Variants in KCNIP4 observed in about 807,000 individuals in gnomAD.
The protein encoded by KCNIP4 is Kv channel-interacting protein 4.
In KCNIP4, 12 loss-of-function variants were observed where a neutral mutation model predicts 34.0. The ratio of observed to expected loss-of-function variants is 0.35; its 90% CI spans 0.23 to 0.57. The LOEUF is 0.57. Ranked by LOEUF, KCNIP4 falls within the 20% of genes least tolerant of loss-of-function variation. KCNIP4 has a pLI of 0.83. For synonymous variants in KCNIP4, 124 were observed against 102.2 expected (o/e 1.21, Z -1.29); for missense variants, 238 against 311.7 (o/e 0.76, Z 1.78).
rs568463285 is a variant in KCNIP4, at chr4:21,658,378, A to AACATC, written c.61+290188_61+290192dup. Among the ~76,000 whole-genome samples the AACATC allele has an allele frequency of 1.4e-3, 210 of 152,196 alleles. No homozygotes were observed. The South Asian group carries it at 0.018, about 13-fold the overall frequency. On this transcript the variant is annotated intron_variant, in intron 1 of 8. Transcript: ENST00000382152. ...TAATAAAGTTCCAGCCTGTGAAGAG[A>AACATC]ACATCACATCACATCACATCACATC...
Position 21,734,712 on chromosome 4 carries a change from T to C in KCNIP4, c.61+213859A>G, listed in dbSNP as rs999179327. 2.6e-5 allele frequency among the ~76,000 whole-genome samples: 4 copies of C among 152,156 alleles called. No individual in the cohort carries two copies. In the East Asian group the frequency reaches 5.8e-4, roughly 22 times the overall value. ...TAAATAGATTATTTACATAAGGAAA[T>C]GTATGATAAAATTTCAAAAATACAA... On this transcript the variant is annotated intron_variant, in intron 1 of 8. Transcript: ENST00000382152.
intron 1 of KCNIP4, among the ~76,000 whole-genome samples, chr4:21,182,918 T>C (rs1456789380): frequency 6.6e-6 from 1 of 152,124 alleles, no homozygotes; most frequent in African/African-American, 2.4e-5. Context: ...AATATGTTAT[T>C]AACTGTAGTC....
In KCNIP4 at chr4:20,748,219, C is replaced by T. The variant is rs187650327; in HGVS notation, c.429+1443G>A. ...GGCCTCTATCTCCTTCCCCAACCTT[C>T]GCTCTTGGCTCTCCAATTGTGTATT... On this transcript the variant is annotated intron_variant, in intron 5 of 8. Transcript: ENST00000382152. Among the ~76,000 whole-genome samples, 391 of 152,238 alleles carry T rather than the reference C, an allele frequency of 2.6e-3. 8 individuals carry two copies. In the South Asian group the frequency reaches 0.047, roughly 18 times the overall value.
chr4:21,332,929 A>G (rs56654170), intron 1 of KCNIP4, among the ~76,000 whole-genome samples: 38,761 of 151,894 alleles, frequency 0.26, 5,075 homozygotes, highest in Middle Eastern at 0.33. Flanking sequence ...TGTTCTTACA[A>G]TGTTTCAGCT....
At chr4:21,553,753 ATTG>A (rs1417577183) in intron 1 of KCNIP4, among the ~76,000 whole-genome samples, 1 of 152,034 alleles carries the variant, frequency 6.6e-6, no homozygotes, top group Non-Finnish European at 1.5e-5. Context: ...AATATTAGCT[ATTG>A]TTATTATTAC....
At chr4:21,354,866 C>T (rs1391515273) in intron 1 of KCNIP4, among the ~76,000 whole-genome samples, 2 of 152,228 alleles carry the variant, frequency 1.3e-5, no homozygotes, top group Non-Finnish European at 2.9e-5. Context: ...CACCACATCA[C>T]ACTTATTCCA....
At chr4:20,986,629 G>T (rs886381568) in intron 1 of KCNIP4, among the ~76,000 whole-genome samples, 1 of 152,210 alleles carries the variant, frequency 6.6e-6, no homozygotes, top group Non-Finnish European at 1.5e-5. Flanking sequence ...TTCAATCATT[G>T]CTTTGTCTGG....
intron 1 of KCNIP4, chr4:21,847,897 T>C (rs1724128451): frequency 6.6e-6 from 1 of 152,114 alleles, no homozygotes; most frequent in Admixed American, 6.6e-5. Context: ...TTGGTCATTA[T>C]CCCTTCACTA....
chr4:21,648,057 T>G (rs1028175233), intron 1 of KCNIP4, among the ~76,000 whole-genome samples: 5 of 151,568 alleles, frequency 3.3e-5, no homozygotes, highest in African/African-American at 1.2e-4. Flanking sequence ...GTATTTTTAG[T>G]GGAGATGGGG....
At chr4:21,607,742 T>G (rs944561989) in intron 1 of KCNIP4, among the ~76,000 whole-genome samples, 3 of 152,094 alleles carry the variant, frequency 2.0e-5, no homozygotes, top group African/African-American at 7.2e-5. Flanking sequence ...TGCAAGCCAC[T>G]GTCCATGATA....
At chr4:21,279,367 G>A (rs1240644588) in intron 1 of KCNIP4, among the ~76,000 whole-genome samples, 1 of 151,990 alleles carries the variant, frequency 6.6e-6, no homozygotes, top group African/African-American at 2.4e-5. Flanking sequence ...TTTTTTAAAA[G>A]TTCATGTAGT....
At chr4:21,400,488 C>CTCTCCTCTCCTCTCCTCTCCTCTCT (rs945392438) in intron 1 of KCNIP4, among the ~76,000 whole-genome samples, 1,416 of 119,822 alleles carry the variant, frequency 0.012, 199 homozygotes, top group African/African-American at 0.06. Flanking sequence ...CTCTCCTCTC[C>CTCTCCTCTCCTCTCCTCTCCTCTCT]TCTCCCCTCC....
At chr4:21,773,956 A>G (rs1719003310) in intron 1 of KCNIP4, among the ~76,000 whole-genome samples, 1 of 151,944 alleles carries the variant, frequency 6.6e-6, no homozygotes, top group African/African-American at 2.4e-5. Flanking sequence ...TAATATTGTT[A>G]TGTGTGAATT....
At chr4:20,839,578 G>A (rs1719484105) in intron 3 of KCNIP4, among the ~76,000 whole-genome samples, 1 of 150,394 alleles carries the variant, frequency 6.6e-6, no homozygotes, top group African/African-American at 2.4e-5. Flanking sequence ...AGTTTGAGAG[G>A]GGGAAAAAGA....
intron 1 of KCNIP4, among the ~76,000 whole-genome samples, chr4:21,558,743 G>C (rs1042441190): frequency 3.3e-5 from 5 of 152,094 alleles, no homozygotes; most frequent in Non-Finnish European, 7.4e-5. Context: ...CCTGTTTAAA[G>C]CCATGCCATT....
At chr4:21,417,543 A>G (rs1725065952) in intron 1 of KCNIP4, among the ~76,000 whole-genome samples, 2 of 152,036 alleles carry the variant, frequency 1.3e-5, no homozygotes, top group African/African-American at 4.8e-5. Context: ...CCTCTGTTCT[A>G]TTTTCAGAAA....
intron 8 of KCNIP4, 43 bp from the exon 9 acceptor site, chr4:20,730,172 CA>C: frequency 1.3e-6 from 2 of 1,577,554 alleles, no homozygotes; most frequent in Non-Finnish European, 8.6e-7. Flanking sequence ...AGCATATCTG[CA>C]AGGAAAAGTA....
At chr4:21,329,650 T>A (rs1320830811) in intron 1 of KCNIP4, among the ~76,000 whole-genome samples, 1 of 152,034 alleles carries the variant, frequency 6.6e-6, no homozygotes, top group Non-Finnish European at 1.5e-5. Context: ...GGTCTGAAGG[T>A]TTATCAAGGA....
intron 1 of KCNIP4, among the ~76,000 whole-genome samples, chr4:21,027,816 A>G (rs1740682341): frequency 6.6e-6 from 1 of 152,002 alleles, no homozygotes; most frequent in African/African-American, 2.4e-5. Flanking sequence ...ATTTATGTAT[A>G]TTCACTCTTC....
Sources: allele counts gnomAD v4.1 joint callset (sites outside exome capture counted in the v4.1 genomes callset), GRCh38; gene constraint gnomAD v4.1.1; transcripts MANE v1.5; gene names NCBI Gene and HGNC (gene_info 2026-07-23, HGNC 2026-07-21).